Variants in MMEL1 observed in about 807,000 individuals in gnomAD.
MMEL1 encodes the protein membrane metalloendopeptidase like 1.
In MMEL1, 98 loss-of-function variants were observed where a neutral mutation model predicts 117.1. The observed-to-expected ratio is 0.84, with a 90% CI of 0.71 to 0.99. The LOEUF (loss-of-function observed/expected upper bound fraction) is 0.99, where lower values mean the gene tolerates loss of function less well. MMEL1 is among the 50% of genes least tolerant of loss of function. MMEL1 has a pLI of 0.00. For missense variants in MMEL1, 1,014 were observed against 1,049.1 expected (o/e 0.97, Z 0.46); for synonymous variants, 390 against 415.1 (o/e 0.94, Z 0.74).
Position 2,607,005 on chromosome 1 carries a change from C to A in MMEL1, c.600G>T (p.Pro200=). The A allele has an allele frequency of 6.2e-7, 1 of 1,613,364 alleles. No individual in the cohort carries two copies. The highest frequency in any genetic ancestry group is 8.5e-7 in the Non-Finnish European group (1 of 1,179,972). Residue 200 remains proline (P), a synonymous_variant, in exon 7 of 24, where the codon CCG becomes CCT. Coordinates refer to ENST00000378412, the MANE Select transcript of MMEL1 (RefSeq NM_033467.4). ...LDILEVVGGW[P]VAMDRWNETV... is the part of the protein sequence containing the mutation. ...TCTCGTTCCACCTGTCCATCGCCAC[C>A]GGCCAGCCTCCCACCACCTCCAAGA...
In MMEL1 at chr1:2,591,081, C is replaced by T; in HGVS notation, c.2249G>A (p.Gly750Glu). 4.4e-6 allele frequency: 7 copies of T among 1,589,490 alleles called. No individual in the cohort carries two copies. Among genetic ancestry groups the T allele is most frequent in the Non-Finnish European group, 6.0e-6 (7 of 1,168,370 alleles). Residue 750 changes from glycine to glutamate, a missense_variant, in exon 24 of 24, where the codon GGG (glycine) becomes GAG (glutamate). Coordinates refer to ENST00000378412, the MANE Select transcript of MMEL1 (RefSeq NM_033467.4). ...VHSPLKYRVL[G>E]SLQNLAAFAD... ...GAAGGCGGCCAGGTTCTGCAGCGACCCCAGTACCCTGTGGGTGGGTGGGTG... is the reference window on the plus strand; with the variant it reads ...GAAGGCGGCCAGGTTCTGCAGCGACTCCAGTACCCTGTGGGTGGGTGGGTG...
chr1:2,624,894 G>A (rs1392616541), intron 2 of MMEL1, among the ~76,000 whole-genome samples: 1 of 152,196 alleles, frequency 6.6e-6, no homozygotes, highest in Non-Finnish European at 1.5e-5. Context: ...AGAAGGCAAA[G>A]GGGACGCAAG....
At chr1:2,631,020 T>C (rs563284678) in intron 1 of MMEL1, among the ~76,000 whole-genome samples, 3,489 of 152,144 alleles carry the variant, frequency 0.023, 138 homozygotes, top group African/African-American at 0.08. Context: ...CTCATGTGCA[T>C]GTGCATGATT....
In MMEL1 at chr1:2,612,031, C is replaced by T; in HGVS notation, c.232+96G>A. ...CCTCCTCCGGCACATGAGGGTTGGG[C>T]AGAACCCAGCCCCTGCCCCTCCACG... On this transcript the variant is annotated intron_variant, in intron 3 of 23. Transcript: ENST00000378412. This position sits in a 1 kb window ranked among gnomAD's most constrained non-coding sequence, Gnocchi z 5.4. 9.1e-7 allele frequency: 1 copy of T among 1,101,160 alleles called. No homozygotes were observed. The highest frequency in any genetic ancestry group is 1.3e-6 in the Non-Finnish European group (1 of 742,402). 68.2% of individuals were successfully genotyped at this position (1,101,160 alleles called of 1,614,324 possible).
chr1:2,599,463 T>C (rs1466748582), intron 11 of MMEL1, among the ~76,000 whole-genome samples: 7 of 152,200 alleles, frequency 4.6e-5, no homozygotes, highest in African/African-American at 1.7e-4. Flanking sequence ...TTCACTACAA[T>C]AACTGAATAA....
At chr1:2,593,091 G>C in intron 19 of MMEL1, 125 bp from the exon 20 acceptor site, 1 of 1,235,922 alleles carries the variant, frequency 8.1e-7, no homozygotes. Flanking sequence ...AGAGCCCACA[G>C]TCTGAGTAGG....
At chr1:2,603,681 C>T (rs1190082534) in intron 11 of MMEL1, among the ~76,000 whole-genome samples, 1 of 152,206 alleles carries the variant, frequency 6.6e-6, no homozygotes, top group Non-Finnish European at 1.5e-5. Context: ...ACAGTTGGCA[C>T]TGCTGTCCCA....
chr1:2,606,139 G>C, intron 8 of MMEL1, 109 bp downstream of exon 8: 1 of 834,708 alleles, frequency 1.2e-6, no homozygotes, highest in South Asian at 1.5e-5. Flanking sequence ...CAGGTCCCAG[G>C]AGACCCCGGA....
intron 2 of MMEL1, among the ~76,000 whole-genome samples, chr1:2,628,191 G>A (rs540847391): frequency 7.9e-5 from 12 of 152,314 alleles, no homozygotes; most frequent in African/African-American, 2.6e-4. Context: ...ACCGCCCATG[G>A]AGGTCGCAGG....
rs1031520340 is a variant in MMEL1, at chr1:2,595,415, C to T, written c.1501-56G>A. 85 of 1,516,414 alleles carry T rather than the reference C, an allele frequency of 5.6e-5. No homozygotes were observed. The highest frequency in any genetic ancestry group is 5.9e-5 in the Non-Finnish European group (64 of 1,093,118). 93.9% of individuals were successfully genotyped at this position (1,516,414 alleles called of 1,614,324 possible). Reference sequence around the variant, plus strand: ...TGCCCCACTGCGGATGGAGTCAGCCCGGGGGCCGGTCAGTGAGTGCCACAC... The same window carrying T: ...TGCCCCACTGCGGATGGAGTCAGCCTGGGGGCCGGTCAGTGAGTGCCACAC... On this transcript the variant is annotated intron_variant, in intron 15 of 23. Coordinates refer to ENST00000378412, the MANE Select transcript of MMEL1 (RefSeq NM_033467.4). The surrounding 1 kb of genome is among the most constrained non-coding windows in gnomAD (Gnocchi z 4.8).
chr1:2,628,607 T>C (rs1423788018), intron 2 of MMEL1, among the ~76,000 whole-genome samples: 1 of 145,140 alleles, frequency 6.9e-6, no homozygotes, highest in Non-Finnish European at 1.5e-5. Flanking sequence ...CAGGGGCGGC[T>C]GGAAGGTGAC....
In MMEL1 at chr1:2,595,006, G is replaced by A. The variant is rs111259181; in HGVS notation, c.1585-113C>T. 5.8e-3 allele frequency: 5,032 copies of A among 867,852 alleles called. 166 individuals carry two copies. In the African/African-American group the frequency reaches 0.075, roughly 13 times the overall value. 53.8% of individuals were successfully genotyped at this position (867,852 alleles called of 1,614,324 possible). ...CTCAAGCCTTGCCAGGCGTCCGCACGTGGACAGTCGGCTGTGGGTGCAGGT... is the reference window on the plus strand; with the variant it reads ...CTCAAGCCTTGCCAGGCGTCCGCACATGGACAGTCGGCTGTGGGTGCAGGT... On this transcript the variant is annotated intron_variant, in intron 16 of 23. Transcript: ENST00000378412. This position sits in a 1 kb window ranked among gnomAD's most constrained non-coding sequence, Gnocchi z 4.8.
chr1:2,623,670 A>G (rs1025342873), intron 2 of MMEL1, among the ~76,000 whole-genome samples: 3 of 152,202 alleles, frequency 2.0e-5, no homozygotes, highest in African/African-American at 7.2e-5. Context: ...GAGGTTTTCA[A>G]TCACTCCATG....
intron 14 of MMEL1, 22 bp from the exon 15 acceptor site, chr1:2,596,129 C>T (rs767234206): frequency 5.0e-6 from 8 of 1,602,820 alleles, no homozygotes; most frequent in Admixed American, 3.3e-5. Flanking sequence ...GCATGGCCCT[C>T]GTGTCCCAGA....
rs748949192 is a variant in MMEL1, at chr1:2,598,748, CAG to C, written c.1082_1083del (p.Ser361CysfsTer9). The C allele has an allele frequency of 5.6e-6, 9 of 1,613,968 alleles. No individual in the cohort carries two copies. In the South Asian group the frequency reaches 7.7e-5, roughly 14 times the overall value. On this transcript the variant is annotated frameshift_variant, in exon 12 of 24. Coordinates refer to ENST00000378412, the MANE Select transcript of MMEL1 (RefSeq NM_033467.4). LOFTEE classifies it high-confidence loss of function. ...WTLFIQTVLS[S>X]VKIKLLPDEE... ...TCATCTGGCAGCAGCTTGATTTTGA[CAG>C]AGGATAGCACAGTTTGTATGAACAG... is the stretch of plus-strand genomic sequence containing the variant.
intron 11 of MMEL1, among the ~76,000 whole-genome samples, chr1:2,602,064 A>G (rs1418719526): frequency 1.6e-5 from 1 of 61,372 alleles, no homozygotes; most frequent in South Asian, 6.6e-4. Flanking sequence ...GCATGACAAC[A>G]TCACTCAGAA....
At chr1:2,594,655 C>T in intron 17 of MMEL1, 135 bp downstream of exon 17, 1 of 898,844 alleles carries the variant, frequency 1.1e-6, no homozygotes, top group Non-Finnish European at 1.8e-6. Context: ...CCAAGATAGG[C>T]CCAGTGACTG....
intron 5 of MMEL1, 25 bp downstream of exon 5, chr1:2,609,645 T>C: frequency 1.9e-6 from 3 of 1,593,728 alleles, no homozygotes; most frequent in Non-Finnish European, 2.6e-6. Context: ...GTCACCCCAC[T>C]GCACCCCCGG....
Position 2,594,816 on chromosome 1 carries a change from C to G in MMEL1, c.1662G>C (p.Lys554Asn), listed in dbSNP as rs938025106. 1.2e-6 allele frequency: 2 copies of G among 1,613,956 alleles called. No individual in the cohort carries two copies. The highest frequency in any genetic ancestry group is 1.7e-5 in the Admixed American group (1 of 60,020). ...LKVGAQRSLR[K>N]LREKVDPNLW... The stretch of plus-strand genomic sequence containing the variant: ...GATTTGGGTCCACCTTTTCCCGAAG[C>G]TTCCTGAGGCTCCGCTGGGCGCCCA... The change falls in exon 17 of 24, where the codon AAG (lysine) becomes AAC (asparagine). Residue 554 changes from lysine (K) to asparagine (N), a missense_variant. Physicochemically the swap from Lys to Asn is moderately conservative, Grantham distance 94. Coordinates refer to ENST00000378412, the MANE Select transcript of MMEL1 (RefSeq NM_033467.4).
Sources: gnomAD v4.1 joint callset for allele counts (sites outside exome capture counted in the v4.1 genomes callset) on GRCh38, gnomAD v4.1.1 for gene constraint, Gnocchi (gnomAD v3.1) non-coding constraint, MANE v1.5 for transcripts, NCBI Gene and HGNC (gene_info 2026-07-23, HGNC 2026-07-21) for gene names.